SEPTIN7: variants seen among roughly 807,000 people sequenced by gnomAD.
SEPTIN7 encodes the protein septin 7.
A neutral mutation model predicts 63.3 loss-of-function variants in SEPTIN7; 10 were observed. The ratio of observed to expected loss-of-function variants is 0.16; its 90% CI spans 0.10 to 0.27. SEPTIN7 has a LOEUF of 0.27. SEPTIN7 is among the 10% of genes least tolerant of loss of function. SEPTIN7 has a pLI of 1.00. For synonymous variants in SEPTIN7, 131 were observed against 165.3 expected (o/e 0.79, Z 1.59); for missense variants, 310 against 521.0 (o/e 0.59, Z 3.94).
chr7:35,827,121 A>G (rs1783555444), intron 1 of SEPTIN7, among the ~76,000 whole-genome samples: 1 of 152,190 alleles, frequency 6.6e-6, no homozygotes, highest in South Asian at 2.1e-4. Flanking sequence ...TTAACATCTA[A>G]AAGATTTTGT....
At position 35,828,884 on chromosome 7, in the gene SEPTIN7, C is replaced by T. The variant is rs575172436; in HGVS notation, c.62-2608C>T. 2.6e-5 allele frequency among the ~76,000 whole-genome samples: 4 copies of T among 152,282 alleles called. No individual in the cohort carries two copies. In the South Asian group the frequency reaches 8.3e-4, roughly 32 times the overall value. ...AAAGCAATCCTCTCGCCTTGGCCTC[C>T]CAAAGTTTGGAATTACAAGCATGAA... On this transcript the variant is annotated intron_variant, in intron 1 of 13. Coordinates refer to ENST00000350320, the MANE Select transcript of SEPTIN7 (RefSeq NM_001788.6).
intron 3 of SEPTIN7, among the ~76,000 whole-genome samples, chr7:35,845,616 G>A (rs1298337430): frequency 6.6e-6 from 1 of 152,106 alleles, no homozygotes; most frequent in Admixed American, 6.5e-5. Context: ...AACACAATAT[G>A]ACTTTTTACC....
chr7:35,896,080 A>G (rs1787945591), intron 11 of SEPTIN7, among the ~76,000 whole-genome samples: 1 of 152,352 alleles, frequency 6.6e-6, no homozygotes, highest in Middle Eastern at 3.4e-3. Context: ...AACTGCTAGC[A>G]TTACAGGTGT....
chr7:35,833,708 A>C (rs1783945311), intron 3 of SEPTIN7, among the ~76,000 whole-genome samples: 1 of 152,058 alleles, frequency 6.6e-6, no homozygotes, highest in Non-Finnish European at 1.5e-5. Context: ...GTAGTGGATT[A>C]GCTATCCTTA....
chr7:35,809,314 T>C (rs1291083294), intron 1 of SEPTIN7, among the ~76,000 whole-genome samples: 2 of 152,364 alleles, frequency 1.3e-5, no homozygotes, highest in East Asian at 1.9e-4. Context: ...TTTCCTTCTC[T>C]GTAATGTGGG....
intron 12 of SEPTIN7, chr7:35,902,859 T>A: frequency 1.8e-6 from 1 of 544,352 alleles, no homozygotes; most frequent in Non-Finnish European, 2.8e-6. Flanking sequence ...TTTTTCCTGT[T>A]TCCCAAGATT....
Position 35,900,025 on chromosome 7 carries a change from ATC to A in SEPTIN7, c.1134+1647_1134+1648del, listed in dbSNP as rs1040214879. The A allele has an allele frequency of 1.4e-4, 21 of 152,310 alleles. 2 individuals are homozygous for A. Among genetic ancestry groups the A allele is most frequent in the Admixed American group, 7.2e-4 (11 of 15,290 alleles). The allele number at this position is 152,310 out of a possible 1,614,324, so 9.4% of individuals were successfully genotyped here. Reference sequence around the variant, plus strand: ...CTAAGTGTATGAAGAAGAGATTCAGATCTCTCGTTATATTCTTACAGTTGATC... The same window carrying A: ...CTAAGTGTATGAAGAAGAGATTCAGATCTCGTTATATTCTTACAGTTGATC... On this transcript the variant is annotated intron_variant, in intron 12 of 13. Transcript: ENST00000350320.
chr7:35,815,521 T>C (rs1262895103), intron 1 of SEPTIN7, among the ~76,000 whole-genome samples: 1 of 152,206 alleles, frequency 6.6e-6, no homozygotes, highest in African/African-American at 2.4e-5. Context: ...CTGGCTTTCA[T>C]CTACAATTTA....
intron 3 of SEPTIN7, among the ~76,000 whole-genome samples, chr7:35,854,678 C>G (rs1031799203): frequency 3.9e-5 from 6 of 152,168 alleles, no homozygotes; most frequent in Non-Finnish European, 8.8e-5. Flanking sequence ...TTTCTCTTAA[C>G]TTTTATCCCA....
At chr7:35,915,147 G>GTATACATGTGTACATATATATACACACA in the SEPTIN7 span, among the ~76,000 whole-genome samples, 18 of 151,974 alleles carry the variant, frequency 1.2e-4, no homozygotes, top group Non-Finnish European at 2.4e-4. Context: ...ATATACACAT[G>GTATACATGTGTACATATATATACACACA]TATACATGTG....
chr7:35,840,393 G>A (rs909535687), intron 3 of SEPTIN7, among the ~76,000 whole-genome samples: 2 of 149,770 alleles, frequency 1.3e-5, no homozygotes, highest in Admixed American at 6.7e-5. Context: ...CAAGTACCTG[G>A]GACTACAGGC....
chr7:35,875,466 T>C (rs1458353738), intron 6 of SEPTIN7, among the ~76,000 whole-genome samples: 1 of 152,204 alleles, frequency 6.6e-6, no homozygotes, highest in Admixed American at 6.5e-5. Context: ...CCGTCTTGTC[T>C]GGGTAGTCCC....
intron 3 of SEPTIN7, among the ~76,000 whole-genome samples, chr7:35,860,441 C>T (rs1785444538): frequency 6.6e-6 from 1 of 151,972 alleles, no homozygotes; most frequent in Non-Finnish European, 1.5e-5. Flanking sequence ...TTTACGGGAT[C>T]TTTATATCTT....
chr7:35,867,242 T>C (rs1416785480), intron 4 of SEPTIN7, among the ~76,000 whole-genome samples: 2 of 152,218 alleles, frequency 1.3e-5, no homozygotes, highest in Non-Finnish European at 2.9e-5. Context: ...GTATCAAATA[T>C]AGATACCCAG....
intron 1 of SEPTIN7, among the ~76,000 whole-genome samples, chr7:35,824,245 A>G (rs974482625): frequency 6.6e-6 from 1 of 152,038 alleles, no homozygotes; most frequent in African/African-American, 2.4e-5. Context: ...AGATTGACCA[A>G]TCCAGAGCAT....
downstream of SEPTIN7, among the ~76,000 whole-genome samples, chr7:35,910,709 CAG>C (rs899077201): frequency 1.3e-5 from 2 of 152,146 alleles, no homozygotes; most frequent in Admixed American, 6.5e-5. Context: ...GGGGGAGAAA[CAG>C]GGATTACGGG....
chr7:35,897,916 A>AT (rs36015494), intron 11 of SEPTIN7, among the ~76,000 whole-genome samples: 14,637 of 152,142 alleles, frequency 0.096, 809 homozygotes, highest in South Asian at 0.19. Context: ...TCATGGTAAA[A>AT]TGTTGTTTGA....
intron 12 of SEPTIN7, chr7:35,899,034 C>A (rs1478931121): frequency 6.6e-6 from 1 of 152,010 alleles, no homozygotes; most frequent in Non-Finnish European, 1.5e-5. Flanking sequence ...CATTTAGTTT[C>A]TATTAATCAA....
intron 11 of SEPTIN7, among the ~76,000 whole-genome samples, chr7:35,896,761 A>G (rs1787980123): frequency 6.6e-6 from 1 of 152,250 alleles, no homozygotes; most frequent in Non-Finnish European, 1.5e-5. Context: ...TTGGAAAAAT[A>G]TATGTCAGGT....
Sources: allele counts gnomAD v4.1 joint callset (sites outside exome capture counted in the v4.1 genomes callset), GRCh38; gene constraint gnomAD v4.1.1; transcripts MANE v1.5; gene names NCBI Gene and HGNC (gene_info 2026-07-23, HGNC 2026-07-21).